Variants in RABL6 observed in about 807,000 individuals in gnomAD.
RABL6 encodes RAB, member RAS oncogene family like 6.
In RABL6, 28 loss-of-function variants were observed where a neutral mutation model predicts 72.9. That is an observed-to-expected ratio of 0.38 (90% CI 0.28 to 0.53). The LOEUF is 0.53. Ranked by LOEUF, RABL6 falls within the 20% of genes least tolerant of loss-of-function variation. The pLI, the probability that RABL6 is intolerant of heterozygous loss-of-function variation, is 0.80. For synonymous variants in RABL6, 477 were observed against 421.2 expected (o/e 1.13, Z -1.62); for missense variants, 1,029 against 1,008.4 (o/e 1.02, Z -0.28).
At position 136,832,262 on chromosome 9, in the gene RABL6, C is replaced by T. The variant is rs754374093; in HGVS notation, c.600-3C>T. On this transcript the variant is annotated splice_region_variant and splice_polypyrimidine_tract_variant and intron_variant, in intron 6 of 14. Transcript: ENST00000311502. ...TTGCATCTTTTTTCCTTTCTGAAAG[C>T]AGACCTCCAGGTTCCTCCTACTTCC... 1.2e-6 allele frequency: 2 copies of T among 1,612,968 alleles called. No individual in the cohort carries two copies. The highest frequency in any genetic ancestry group is 2.2e-5 in the South Asian group (2 of 91,072).
At chr9:136,820,012 G>A (rs570149504) in intron 1 of RABL6, among the ~76,000 whole-genome samples, 3 of 152,166 alleles carry the variant, frequency 2.0e-5, no homozygotes, top group Non-Finnish European at 2.9e-5. Flanking sequence ...AGACCAGCCC[G>A]GGCAAAATGG....
chr9:136,820,132 G>T (rs1288492781), intron 1 of RABL6, among the ~76,000 whole-genome samples: 2 of 151,056 alleles, frequency 1.3e-5, no homozygotes, highest in African/African-American at 4.9e-5. Context: ...CCAGTAGGTG[G>T]AGGTTGCAGT....
chr9:136,808,177 T>C lies in RABL6; in HGVS notation c.-20T>C. The C allele has an allele frequency of 6.7e-7, 1 of 1,500,780 alleles. No individual in the cohort carries two copies. The highest frequency in any genetic ancestry group is 8.9e-7 in the Non-Finnish European group (1 of 1,123,944). 93.0% of individuals were successfully genotyped at this position (1,500,780 alleles called of 1,614,324 possible). On this transcript the variant is annotated 5_prime_UTR_variant, in exon 1 of 15. Coordinates refer to ENST00000311502, the MANE Select transcript of RABL6 (RefSeq NM_024718.5). ...CTGAGCTCGCCGGCCGCGCCCGGGC[T>C]GGGACGTCCGAGCGGGAAGATGTTT...
At position 136,828,369 on chromosome 9, in the gene RABL6, T is replaced by G. The variant is rs1038248332; in HGVS notation, c.314-125T>G. ...TTGTGGGTGCCCACGCTGCAGGCTG[T>G]TTGGGGTGGTGGAGTAGAGCACCCG... On this transcript the variant is annotated intron_variant, in intron 3 of 14. Coordinates refer to ENST00000311502, the MANE Select transcript of RABL6 (RefSeq NM_024718.5). The G allele has an allele frequency of 1.1e-5, 10 of 902,918 alleles. No individual in the cohort carries two copies. In the East Asian group the frequency reaches 1.9e-4, roughly 17 times the overall value. 55.9% of individuals were successfully genotyped at this position (902,918 alleles called of 1,614,324 possible).
chr9:136,834,553 A>G (rs757953045), intron 7 of RABL6: 67 of 827,966 alleles, frequency 8.1e-5, no homozygotes, highest in Non-Finnish European at 8.4e-5. Context: ...ATCTTGCCTC[A>G]CTGTAACCTC....
intron 6 of RABL6, 88 bp from the exon 7 acceptor site, chr9:136,832,177 T>C: frequency 8.1e-7 from 1 of 1,228,294 alleles, no homozygotes; most frequent in Non-Finnish European, 1.2e-6. Context: ...GGGAGGGCAG[T>C]GCGGACCCAC....
chr9:136,808,525 C>T (rs1373068648), intron 1 of RABL6, 199 bp downstream of exon 1: 2 of 398,364 alleles, frequency 5.0e-6, no homozygotes, highest in Non-Finnish European at 7.9e-6. Context: ...TCCTCGCGGC[C>T]CCCGAGCCGC....
intron 1 of RABL6, chr9:136,813,086 C>T: frequency 2.6e-6 from 1 of 384,646 alleles, no homozygotes; most frequent in South Asian, 2.3e-5. Context: ...ACTACCCTTG[C>T]CCAACAAAGC....
intron 1 of RABL6, chr9:136,815,350 CCTT>C (rs1848098399): frequency 1.8e-5 from 5 of 275,106 alleles, no homozygotes; most frequent in Admixed American, 1.6e-4. Context: ...GAAACTGTCA[CCTT>C]CTTGGCTGGG....
chr9:136,824,478 C>T (rs151051133), intron 2 of RABL6, among the ~76,000 whole-genome samples: 4,501 of 151,196 alleles, frequency 0.03, 175 homozygotes, highest in African/African-American at 0.093. Context: ...TACAGGCGCC[C>T]GCCACCACAC....
At chr9:136,820,562 G>C (rs1045306490) in intron 1 of RABL6, among the ~76,000 whole-genome samples, 4 of 152,080 alleles carry the variant, frequency 2.6e-5, no homozygotes, top group Non-Finnish European at 4.4e-5. Context: ...GTAGATACGG[G>C]GTTTCTCCAT....
chr9:136,837,744 C>T, intron 9 of RABL6, 82 bp downstream of exon 9: 1 of 1,543,964 alleles, frequency 6.5e-7, no homozygotes, highest in Admixed American at 2.0e-5. Flanking sequence ...CGGAGCGCTC[C>T]ACGCTTCTTC....
At chr9:136,817,466 C>A (rs1432217760) in intron 1 of RABL6, among the ~76,000 whole-genome samples, 1 of 152,134 alleles carries the variant, frequency 6.6e-6, no homozygotes, top group Non-Finnish European at 1.5e-5. Context: ...GACTGGTGAC[C>A]AGCTCGCAGC....
intron 2 of RABL6, 96 bp downstream of exon 2, chr9:136,823,755 C>T (rs369825825): frequency 1.5e-5 from 22 of 1,420,398 alleles, no homozygotes; most frequent in South Asian, 1.3e-4. Flanking sequence ...GGGGTCTCCC[C>T]GAAGAGTTCT....
rs760427160 is a variant in RABL6, at chr9:136,839,883, A to G, written c.1930+18A>G. Reference sequence around the variant, plus strand: ...TGAGGAAGGTGGGTGGGGGCACCAGAGTGCGGTCAGCCTGCTGGAGTTTGG... The same window carrying G: ...TGAGGAAGGTGGGTGGGGGCACCAGGGTGCGGTCAGCCTGCTGGAGTTTGG... On this transcript the variant is annotated intron_variant, in intron 13 of 14. Coordinates refer to ENST00000311502, the MANE Select transcript of RABL6 (RefSeq NM_024718.5). 2.5e-6 allele frequency: 4 copies of G among 1,606,630 alleles called. No individual in the cohort carries two copies. In the Admixed American group the frequency reaches 6.8e-5, roughly 27 times the overall value.
intron 1 of RABL6, chr9:136,821,649 C>G: frequency 1.6e-5 from 16 of 988,404 alleles, no homozygotes; most frequent in Middle Eastern, 5.2e-4. Context: ...CGCCGCGGCC[C>G]GTCTCGGGCC....
rs535590282 is a variant in RABL6 at position 136,820,383 on chromosome 9, G to T, written c.131-3142G>T. Among the ~76,000 whole-genome samples, 4 of 150,778 alleles carry T rather than the reference G, an allele frequency of 2.7e-5. No homozygotes were observed. In the East Asian group the frequency reaches 8.0e-4, roughly 30 times the overall value. On this transcript the variant is annotated intron_variant, in intron 1 of 14. Transcript: ENST00000311502. The stretch of plus-strand genomic sequence containing the variant: ...CCCTGTTTGTAAAAATAATTTTGTT[G>T]TTTTTTTTGAGACGGTTCTGTTCTG...
chr9:136,835,753 G>C lies in RABL6; in HGVS notation c.717G>C (p.Leu239=), dbSNP rs1848572853. Reference sequence around the variant, plus strand: ...CTCCCTTTCTGCAGAGGGAGACGCTGTTGCGGCAGCTGGAGACGAACCAGC... The same window carrying C: ...CTCCCTTTCTGCAGAGGGAGACGCTCTTGCGGCAGCTGGAGACGAACCAGC... ...IPFLQLQRET[L]LRQLETNQLD... Residue 239 remains leucine (L), a synonymous_variant, in exon 8 of 15, where the codon CTG becomes CTC. Transcript: ENST00000311502. 1.3e-6 allele frequency: 2 copies of C among 1,549,674 alleles called. No individual in the cohort carries two copies. The highest frequency in any genetic ancestry group is 2.4e-5 in the East Asian group (1 of 40,962).
intron 3 of RABL6, 104 bp downstream of exon 3, chr9:136,825,930 C>A: frequency 7.4e-7 from 1 of 1,352,922 alleles, no homozygotes; most frequent in Non-Finnish European, 1.1e-6. Context: ...CCACCATCCT[C>A]GTGGACGGTG....
Sources: gnomAD v4.1 joint callset for allele counts (sites outside exome capture counted in the v4.1 genomes callset) on GRCh38, gnomAD v4.1.1 for gene constraint, MANE v1.5 for transcripts, NCBI Gene and HGNC (gene_info 2026-07-23, HGNC 2026-07-21) for gene names.